The following TENM4 variants were observed in gnomAD, a reference collection of about 807,000 sequenced individuals.
TENM4 encodes teneurin-4.
A neutral mutation model predicts 243.3 loss-of-function variants in TENM4; 82 were observed. The ratio of observed to expected loss-of-function variants is 0.34; its 90% CI spans 0.28 to 0.40. The LOEUF is 0.40. TENM4 is among the 10% of genes least tolerant of loss of function. TENM4 has a pLI of 1.00. For synonymous variants in TENM4, 1,412 were observed against 1,456.3 expected (o/e 0.97, Z 0.69); for missense variants, 3,138 against 3,673.3 (o/e 0.85, Z 3.77).
intron 10 of TENM4, among the ~76,000 whole-genome samples, chr11:78,856,736 T>C (rs921186156): frequency 6.6e-6 from 1 of 151,838 alleles, no homozygotes; most frequent in African/African-American, 2.4e-5. Context: ...TAGGGCAGGG[T>C]TAGGGGCTGG....
intron 1 of TENM4, among the ~76,000 whole-genome samples, chr11:79,377,202 C>T (rs1331960282): frequency 6.6e-6 from 1 of 152,226 alleles, no homozygotes; most frequent in East Asian, 1.9e-4. Flanking sequence ...GAGCCTCCAG[C>T]ACAGCCCTGT....
chr11:79,317,003 G>A (rs921939290), intron 1 of TENM4, among the ~76,000 whole-genome samples: 2 of 152,182 alleles, frequency 1.3e-5, no homozygotes, highest in Non-Finnish European at 2.9e-5. Context: ...CTTGCCACAC[G>A]TCTGTTATTT....
chr11:79,391,347 A>G lies in TENM4; in HGVS notation c.-321+49162T>C, dbSNP rs893711025. ...GCCTGCAGATGCATTTACTCACCCA[A>G]TGTTTCTCAGTTCCTTCCTCAGGGC... On this transcript the variant is annotated intron_variant, in intron 1 of 33. Transcript: ENST00000278550. Among the ~76,000 whole-genome samples, 14 of 152,164 alleles carry G rather than the reference A, an allele frequency of 9.2e-5. 1 individual carries two copies. Among genetic ancestry groups the G allele is most frequent in the South Asian group, 6.2e-4 (3 of 4,820 alleles).
At chr11:78,866,036 C>T (rs974453062) in intron 9 of TENM4, among the ~76,000 whole-genome samples, 2 of 152,152 alleles carry the variant, frequency 1.3e-5, no homozygotes, top group Non-Finnish European at 2.9e-5. Context: ...TTATTGAGCA[C>T]CTTTTTTGGT....
At chr11:79,380,664 G>T (rs940849360) in intron 1 of TENM4, among the ~76,000 whole-genome samples, 1 of 152,192 alleles carries the variant, frequency 6.6e-6, no homozygotes, top group African/African-American at 2.4e-5. Flanking sequence ...AGAAGGAGGG[G>T]AATTTCCCAA....
intron 1 of TENM4, among the ~76,000 whole-genome samples, chr11:79,308,110 C>G (rs1361247340): frequency 4.6e-5 from 7 of 152,214 alleles, no homozygotes; most frequent in African/African-American, 1.4e-4. Flanking sequence ...GGAGGCAGAG[C>G]TTGGCACTGA....
At chr11:79,132,382 A>AACACAATAAT (rs1253521784) in intron 4 of TENM4, among the ~76,000 whole-genome samples, 2 of 150,730 alleles carry the variant, frequency 1.3e-5, no homozygotes, top group African/African-American at 4.9e-5. Context: ...GATAGACAGC[A>AACACAATAAT]ACACAATAAT....
chr11:78,658,731 G>A lies in TENM4; in HGVS notation c.7637C>T (p.Thr2546Ile), dbSNP rs748937811. 3.1e-6 allele frequency: 5 copies of A among 1,613,894 alleles called. No homozygotes were observed. In the African/African-American group the frequency reaches 5.3e-5, roughly 17 times the overall value. The change falls in exon 34 of 34, where the codon ACA becomes ATA. Residue 2546 changes from threonine to isoleucine, a missense_variant. Physicochemically the swap from Thr to Ile is moderately conservative, Grantham distance 89 (BLOSUM62 -1). Coordinates refer to ENST00000278550, the MANE Select transcript of TENM4 (RefSeq NM_001098816.3). ...LERFDQLYGS[T>I]ITSCQQAPKT... is the part of the protein sequence containing the mutation. ...TGGAGCCTGCTGGCAGCTGGTGATT[G>A]TGGAGCCATAGAGCTGGTCAAACCG...
chr11:79,293,949 G>GTTTT (rs1320033617), intron 2 of TENM4, among the ~76,000 whole-genome samples: 1 of 152,198 alleles, frequency 6.6e-6, no homozygotes, highest in African/African-American at 2.4e-5. Context: ...AGCTCTCCCA[G>GTTTT]GCATCCCCAG....
intron 25 of TENM4, among the ~76,000 whole-genome samples, chr11:78,718,696 C>T (rs1434613285): frequency 8.5e-5 from 13 of 152,332 alleles, no homozygotes; most frequent in Non-Finnish European, 1.5e-4. Flanking sequence ...TGGGTCATTA[C>T]ATAGTTCAGT....
intron 6 of TENM4, among the ~76,000 whole-genome samples, chr11:79,061,031 G>A (rs1165062680): frequency 6.6e-6 from 1 of 152,158 alleles, no homozygotes; most frequent in Non-Finnish European, 1.5e-5. Flanking sequence ...AAAAGAAAAG[G>A]GAGAGACAGG....
At chr11:78,811,597 C>T (rs1441626219) in intron 14 of TENM4, among the ~76,000 whole-genome samples, 3 of 151,996 alleles carry the variant, frequency 2.0e-5, no homozygotes, top group African/African-American at 7.3e-5. Context: ...CACACACACA[C>T]ACACACGAGT....
rs1421275633 is a variant in TENM4 at position 78,683,358 on chromosome 11, C to T, written c.5260+4696G>A. On this transcript the variant is annotated intron_variant, in intron 29 of 33. Coordinates refer to ENST00000278550, the MANE Select transcript of TENM4 (RefSeq NM_001098816.3). ...TTACCTAAGCGAGCCTGGGCTATGG[C>T]GGGCGCCCCTCCCCCAGCCTCGTTG... is the stretch of plus-strand genomic sequence containing the variant. Among the ~76,000 whole-genome samples the T allele has an allele frequency of 6.7e-5, 5 of 74,716 alleles. 2 individuals are homozygous for T. Among genetic ancestry groups the T allele is most frequent in the African/African-American group, 2.8e-4 (4 of 14,262 alleles). The allele number at this position is 74,716 out of a possible 152,430, so 49.0% of individuals were successfully genotyped here. A position where few individuals can be genotyped will look rare whatever the true frequency, so the allele number is the denominator to read the frequency against.
intron 4 of TENM4, among the ~76,000 whole-genome samples, chr11:79,081,066 C>T (rs1860658155): frequency 6.6e-6 from 1 of 152,212 alleles, no homozygotes; most frequent in Non-Finnish European, 1.5e-5. Flanking sequence ...CCCAGAAAGG[C>T]AGGCATCAGT....
intron 6 of TENM4, among the ~76,000 whole-genome samples, chr11:78,924,263 A>G (rs1856510126): frequency 6.6e-6 from 1 of 152,202 alleles, no homozygotes; most frequent in Non-Finnish European, 1.5e-5. Context: ...ACAAGGGGAA[A>G]CTGGCCTGAG....
rs1050921884 is a variant in TENM4, at chr11:79,186,586, C to A, written c.-163+29222G>T. Reference sequence around the variant, plus strand: ...ATGGCAGTAACCCAGAGCCAGTTTACGGAGAAAAGCAGAGGGTGGTGCGAT... The same window carrying A: ...ATGGCAGTAACCCAGAGCCAGTTTAAGGAGAAAAGCAGAGGGTGGTGCGAT... On this transcript the variant is annotated intron_variant, in intron 3 of 33. Coordinates refer to ENST00000278550, the MANE Select transcript of TENM4 (RefSeq NM_001098816.3). Among the ~76,000 whole-genome samples, 9 of 152,108 alleles carry A rather than the reference C, an allele frequency of 5.9e-5. No homozygotes were observed. The East Asian group carries it at 1.7e-3, about 29-fold the overall frequency.
In TENM4 at chr11:78,805,435, T is replaced by A; in HGVS notation, c.2036A>T (p.His679Leu). 1 of 1,600,682 alleles carries A rather than the reference T, an allele frequency of 6.2e-7. No homozygotes were observed. The highest frequency in any genetic ancestry group is 8.5e-7 in the Non-Finnish European group (1 of 1,173,578). Reference protein sequence around the residue: ...GRGVCVRGECHCSVGWGGTNC... With the variant: ...GRGVCVRGECLCSVGWGGTNC... The stretch of plus-strand genomic sequence containing the variant: ...GGTGCCTCCCCATCCCACAGAGCAG[T>A]GGCATTCGCCTCTCACGCAGACACC... The change falls in exon 15 of 34, where the codon CAC (histidine) becomes CTC (leucine). Residue 679 changes from histidine to leucine, a missense_variant. Physicochemically the swap from His to Leu is moderately conservative, Grantham distance 99 (BLOSUM62 -3). Around this residue, in one of 2 missense-constraint regions of TENM4, gnomAD observed 2,467 missense variants for 3,059.1 expected, o/e 0.81. Transcript: ENST00000278550.
intron 6 of TENM4, among the ~76,000 whole-genome samples, chr11:79,001,930 C>T (rs1315821279): frequency 2.0e-5 from 3 of 152,208 alleles, no homozygotes; most frequent in Non-Finnish European, 2.9e-5. Flanking sequence ...TCCCCCAATG[C>T]CTGCAGCCTC....
At chr11:78,813,083 C>T (rs1398528616) in intron 13 of TENM4, among the ~76,000 whole-genome samples, 2 of 152,226 alleles carry the variant, frequency 1.3e-5, no homozygotes, top group African/African-American at 2.4e-5. Flanking sequence ...CCACCTTCCC[C>T]TGGTCCCCAC....
Sources: allele counts gnomAD v4.1 joint callset (sites outside exome capture counted in the v4.1 genomes callset), GRCh38; gene constraint gnomAD v4.1.1; regional missense constraint gnomAD v4.1.1; transcripts MANE v1.5; gene names NCBI Gene and HGNC (gene_info 2026-07-23, HGNC 2026-07-21).